The following KIFAP3 variants were observed in gnomAD, a reference collection of about 807,000 sequenced individuals.
KIFAP3 encodes the protein kinesin associated protein 3.
In KIFAP3, 68 loss-of-function variants were observed where a neutral mutation model predicts 106.5. The ratio of observed to expected loss-of-function variants is 0.64; its 90% CI spans 0.53 to 0.78. The LOEUF is 0.78. Among genes scored for constraint, KIFAP3 ranks in the 30% least tolerant of loss-of-function variants. The probability of loss-of-function intolerance (pLI) is 0.00; values close to 1 mark genes in which losing one functional copy is unlikely to be tolerated. For synonymous variants in KIFAP3, 320 were observed against 311.5 expected, an observed-to-expected ratio of 1.03 and a Z score of -0.29; for missense variants, 780 against 941.8, an observed-to-expected ratio of 0.83 and a Z score of 2.25.
chr1:169,998,131 T>C (rs1455238834), intron 10 of KIFAP3, among the ~76,000 whole-genome samples: 1 of 151,960 alleles, frequency 6.6e-6, no homozygotes, highest in East Asian at 1.9e-4. Context: ...GGTTTCCTTC[T>C]TTTAACAGAA....
At chr1:169,991,426 G>T (rs558540) in intron 11 of KIFAP3, among the ~76,000 whole-genome samples, 142,346 of 151,904 alleles carry the variant, frequency 0.94, 66,773 homozygotes, top group East Asian at 1. Flanking sequence ...AATAAACACA[G>T]GAAAAAATGT....
chr1:169,937,451 C>A (rs1422014835), intron 19 of KIFAP3, among the ~76,000 whole-genome samples: 1 of 151,696 alleles, frequency 6.6e-6, no homozygotes, highest in African/African-American at 2.4e-5. Flanking sequence ...CTATTTTTAT[C>A]ATTTATTGAC....
intron 1 of KIFAP3, 146 bp from the exon 2 acceptor site, chr1:170,055,582 T>A: frequency 1.9e-6 from 1 of 525,362 alleles, no homozygotes; most frequent in East Asian, 3.3e-5. Flanking sequence ...GAGATAACTC[T>A]TTTTCTCTGT....
chr1:169,933,305 GA>G (rs1663596009), intron 19 of KIFAP3, among the ~76,000 whole-genome samples: 1 of 151,948 alleles, frequency 6.6e-6, no homozygotes, highest in African/African-American at 2.4e-5. Context: ...ATGTCCTCTA[GA>G]ACATTTAGGA....
intron 19 of KIFAP3, among the ~76,000 whole-genome samples, chr1:169,922,199 T>G (rs960704789): frequency 1.3e-5 from 2 of 152,206 alleles, no homozygotes; most frequent in African/African-American, 4.8e-5. Flanking sequence ...TCTTTTCATA[T>G]GAAGATACAG....
At chr1:170,074,930 A>G (rs114510232), upstream of KIFAP3, among the ~76,000 whole-genome samples, 1 of 152,238 alleles carries the variant, frequency 6.6e-6, no homozygotes, top group South Asian at 2.1e-4. Context: ...ATAACCTTTT[A>G]GTTAGCGAAT....
intron 1 of KIFAP3, among the ~76,000 whole-genome samples, chr1:170,060,842 T>C (rs1194200209): frequency 6.6e-6 from 1 of 152,120 alleles, no homozygotes; most frequent in East Asian, 1.9e-4. Flanking sequence ...AACAGAGCCC[T>C]CAGAAATAAT....
At chr1:169,938,645 ACAGT>A (rs1208973883) in intron 19 of KIFAP3, among the ~76,000 whole-genome samples, 1 of 152,132 alleles carries the variant, frequency 6.6e-6, no homozygotes, top group African/African-American at 2.4e-5. Context: ...TTTGAAAAAG[ACAGT>A]CAAAGTTCTT....
At chr1:169,944,538 C>T (rs1332611099) in intron 19 of KIFAP3, among the ~76,000 whole-genome samples, 1 of 152,094 alleles carries the variant, frequency 6.6e-6, no homozygotes, top group African/African-American at 2.4e-5. Context: ...GTGTTTCAGC[C>T]CCGTTTGTGT....
At position 169,927,587 on chromosome 1, in the gene KIFAP3, T is replaced by C. The variant is rs184559931; in HGVS notation, c.2274-5806A>G. Among the ~76,000 whole-genome samples the C allele has an allele frequency of 5.9e-5, 9 of 152,308 alleles. No homozygotes were observed. In the East Asian group the frequency reaches 1.7e-3, roughly 29 times the overall value. ...GGAGGGCAAGGAGTGTTTTGGCCATTGCTATATCCCTAGGCTCTAGTATTG... is the reference window on the plus strand; with the variant it reads ...GGAGGGCAAGGAGTGTTTTGGCCATCGCTATATCCCTAGGCTCTAGTATTG... On this transcript the variant is annotated intron_variant, in intron 19 of 19. Transcript: ENST00000361580.
intron 9 of KIFAP3, chr1:170,024,192 T>C (rs1189750454): frequency 1.2e-5 from 4 of 341,924 alleles, no homozygotes; most frequent in African/African-American, 2.1e-5. Context: ...GCAAGATCCA[T>C]TCTATATATT....
At position 169,972,495 on chromosome 1, in the gene KIFAP3, G is replaced by A; in HGVS notation, c.1983+18C>T. On this transcript the variant is annotated intron_variant, in intron 17 of 19. Transcript: ENST00000361580. ...GATGAAGTCAATTATACTTTGTGTAGAAAAAATAATTACTTACCGCTATAA... is the reference window on the plus strand; with the variant it reads ...GATGAAGTCAATTATACTTTGTGTAAAAAAAATAATTACTTACCGCTATAA... 1 of 1,203,960 alleles carries A rather than the reference G, an allele frequency of 8.3e-7. No homozygotes were observed. The highest frequency in any genetic ancestry group is 1.2e-6 in the Non-Finnish European group (1 of 819,260). 74.6% of individuals were successfully genotyped at this position (1,203,960 alleles called of 1,614,324 possible). A position where few individuals can be genotyped will look rare whatever the true frequency, so the allele number is the denominator to read the frequency against.
rs754250972 is a variant in KIFAP3 at position 169,983,336 on chromosome 1, A to G, written c.1440T>C (p.Asp480=). Residue 480 remains aspartate (D), a synonymous_variant, in exon 13 of 20, where the codon GAT becomes GAC. Coordinates refer to ENST00000361580, the MANE Select transcript of KIFAP3 (RefSeq NM_014970.4). ...MLMKRALKFK[D]PLLMKMIRNI... ...TTCTAATCATTTTCATCAGCAATGG[A>G]TCCTTAAACTTCAGAGCCCTCTTCA... The G allele has an allele frequency of 5.6e-6, 9 of 1,609,586 alleles. No individual in the cohort carries two copies. Among genetic ancestry groups the G allele is most frequent in the Non-Finnish European group, 7.6e-6 (9 of 1,177,820 alleles).
At position 169,924,013 on chromosome 1, in the gene KIFAP3, A is replaced by C. The variant is rs181411199; in HGVS notation, c.2274-2232T>G. Among the ~76,000 whole-genome samples, 6 of 152,312 alleles carry C rather than the reference A, an allele frequency of 3.9e-5. No individual in the cohort carries two copies. The East Asian group carries it at 1.2e-3, about 29-fold the overall frequency. ...CCCCTTTTTTTTATTTCTACGACTA[A>C]TAGGCAAACTATTGATCACTGTAAT... On this transcript the variant is annotated intron_variant, in intron 19 of 19. Transcript: ENST00000361580.
chr1:169,930,662 A>C (rs1426275293), intron 19 of KIFAP3, among the ~76,000 whole-genome samples: 2 of 152,192 alleles, frequency 1.3e-5, no homozygotes, highest in African/African-American at 4.8e-5. Flanking sequence ...GATGAGAAAA[A>C]ATTGAAATTC....
chr1:169,962,652 A>T (rs1199679372), intron 17 of KIFAP3, among the ~76,000 whole-genome samples: 1 of 152,172 alleles, frequency 6.6e-6, no homozygotes, highest in African/African-American at 2.4e-5. Context: ...TTTTCAACTC[A>T]AGCTGAGACT....
upstream of KIFAP3, chr1:170,074,739 T>C (rs1671861761): frequency 7.5e-7 from 1 of 1,337,052 alleles, no homozygotes; most frequent in African/African-American, 1.5e-5. Context: ...GCACCTCTTG[T>C]ATGCGCAGGC....
intron 19 of KIFAP3, among the ~76,000 whole-genome samples, chr1:169,931,695 G>T (rs1355993984): frequency 6.6e-6 from 1 of 152,080 alleles, no homozygotes; most frequent in Non-Finnish European, 1.5e-5. Context: ...GTCTGTTACT[G>T]GTTCAACATT....
chr1:169,966,471 A>C (rs1665635014), intron 17 of KIFAP3, among the ~76,000 whole-genome samples: 1 of 151,408 alleles, frequency 6.6e-6, no homozygotes, highest in South Asian at 2.1e-4. Flanking sequence ...TGGCAAAAAA[A>C]AAAAAAAAAA....
Sources: gnomAD v4.1 joint callset for allele counts (sites outside exome capture counted in the v4.1 genomes callset) on GRCh38, gnomAD v4.1.1 for gene constraint, MANE v1.5 for transcripts, NCBI Gene and HGNC (gene_info 2026-07-23, HGNC 2026-07-21) for gene names.